TYW1B: variants seen among roughly 807,000 people sequenced by gnomAD.
TYW1B encodes the protein S-adenosyl-L-methionine-dependent tRNA 4-demethylwyosine synthase TYW1B.
In TYW1B, 73 loss-of-function variants were observed where a neutral mutation model predicts 86.9. The ratio of observed to expected loss-of-function variants is 0.84; its 90% confidence interval spans 0.70 to 1.02. The LOEUF is 1.02. TYW1B is among the 50% of genes least tolerant of loss of function. TYW1B has a pLI of 0.00. For missense variants in TYW1B, 637 were observed against 827.4 expected (o/e 0.77, Z 2.82); for synonymous variants, 248 against 292.8 (o/e 0.85, Z 1.56).
chr7:72,759,707 A>C (rs1443881669), intron 7 of TYW1B, among the ~76,000 whole-genome samples: 3 of 152,196 alleles, frequency 2.0e-5, no homozygotes, highest in African/African-American at 7.2e-5. Context: ...CTCACTGCTT[A>C]TGGCATTCCA....
chr7:72,613,780 T>C (rs1386265109), intron 13 of TYW1B, among the ~76,000 whole-genome samples: 21 of 152,032 alleles, frequency 1.4e-4, no homozygotes, highest in African/African-American at 5.1e-4. Context: ...GGGGAAATGC[T>C]ATAAAGGACA....
chr7:72,614,632 TAAA>T (rs34879859), intron 13 of TYW1B, among the ~76,000 whole-genome samples: 4 of 132,996 alleles, frequency 3.0e-5, no homozygotes, highest in African/African-American at 5.6e-5. Flanking sequence ...GACTCCATCT[TAAA>T]AAAAAAAAAA....
At chr7:72,667,531 C>T (rs1324781035) in intron 11 of TYW1B, among the ~76,000 whole-genome samples, 3 of 152,006 alleles carry the variant, frequency 2.0e-5, no homozygotes, top group East Asian at 1.9e-4. Flanking sequence ...CTGGGCAACA[C>T]GGCAAAACCC....
At chr7:72,594,305 C>A (rs1811475371) in intron 13 of TYW1B, among the ~76,000 whole-genome samples, 1 of 149,916 alleles carries the variant, frequency 6.7e-6, no homozygotes, top group African/African-American at 2.5e-5. Flanking sequence ...ACTTGAATTA[C>A]CAAAATCAGA....
At chr7:72,776,556 C>CAAAAAAAAAAA (rs67553013) in intron 7 of TYW1B, among the ~76,000 whole-genome samples, 1 of 45,240 alleles carries the variant, frequency 2.2e-5, no homozygotes, top group African/African-American at 9.4e-5. Context: ...GACTCTGTCT[C>CAAAAAAAAAAA]AAAAAAAAAA....
intron 7 of TYW1B, among the ~76,000 whole-genome samples, chr7:72,772,230 G>A (rs1298165025): frequency 4.6e-5 from 7 of 151,804 alleles, no homozygotes; most frequent in African/African-American, 7.3e-5. Context: ...GTAAAAACTC[G>A]GTAAAGCTCT....
At chr7:72,681,773 G>C (rs1430144304) in intron 11 of TYW1B, among the ~76,000 whole-genome samples, 2 of 151,264 alleles carry the variant, frequency 1.3e-5, no homozygotes, top group Non-Finnish European at 2.9e-5. Flanking sequence ...TTTTAGTAGA[G>C]ACGGGGTTTC....
chr7:72,659,502 C>T (rs1563049424), intron 11 of TYW1B, among the ~76,000 whole-genome samples: 2 of 152,054 alleles, frequency 1.3e-5, no homozygotes, highest in African/African-American at 2.4e-5. Flanking sequence ...CACTTGAACC[C>T]GGGAGGCTGA....
chr7:72,685,558 GAGA>G (rs1813990291), intron 11 of TYW1B, among the ~76,000 whole-genome samples: 1 of 152,104 alleles, frequency 6.6e-6, no homozygotes, highest in African/African-American at 2.4e-5. Context: ...ATACAATGGG[GAGA>G]AGATAATTTT....
At chr7:72,709,118 T>C (rs1814682074) in intron 10 of TYW1B, among the ~76,000 whole-genome samples, 2 of 152,202 alleles carry the variant, frequency 1.3e-5, no homozygotes, top group African/African-American at 2.4e-5. Flanking sequence ...AGACTTCCAT[T>C]ATCAGAAATT....
At position 72,674,264 on chromosome 7, in the gene TYW1B, G is replaced by C. The variant is rs184013293; in HGVS notation, c.1506+20423C>G. Among the ~76,000 whole-genome samples, 640 of 152,228 alleles carry C rather than the reference G, an allele frequency of 4.2e-3. 5 individuals carry two copies. Among genetic ancestry groups the C allele is most frequent in the African/African-American group, 0.015 (607 of 41,550 alleles). On this transcript the variant is annotated intron_variant, in intron 11 of 13. Transcript: ENST00000620995. ...ACCTCCCAGGTTTCTTAGTCCAAAA[G>C]TCTTTTTCGGTACCCTAGGATCAAG...
chr7:72,649,488 A>G (rs1813009778), intron 11 of TYW1B, among the ~76,000 whole-genome samples: 1 of 152,208 alleles, frequency 6.6e-6, no homozygotes. Flanking sequence ...TCAGACTCCC[A>G]TGACTTCAAG....
At position 72,683,691 on chromosome 7, in the gene TYW1B, A is replaced by G. The variant is rs139322933; in HGVS notation, c.1506+10996T>C. On this transcript the variant is annotated intron_variant, in intron 11 of 13. Coordinates refer to ENST00000620995, the MANE Select transcript of TYW1B (RefSeq NM_001145440.3). ...CTAGTGAGAGCAGTTCCTTTTACCC[A>G]GGATATCACATTCAGTAACAAGAAG... Among the ~76,000 whole-genome samples the G allele has an allele frequency of 6.0e-3, 915 of 152,296 alleles. 12 individuals are homozygous for G. The highest frequency in any genetic ancestry group is 0.021 in the African/African-American group (868 of 41,566).
intron 11 of TYW1B, among the ~76,000 whole-genome samples, chr7:72,651,351 A>T (rs1174101268): frequency 1.3e-5 from 2 of 152,170 alleles, no homozygotes; most frequent in African/African-American, 4.8e-5. Flanking sequence ...GGCACAGTGG[A>T]TCACGCCTGT....
chr7:72,622,826 CACAA>C (rs1451257035), intron 12 of TYW1B, among the ~76,000 whole-genome samples: 11 of 143,572 alleles, frequency 7.7e-5, no homozygotes, highest in African/African-American at 2.0e-4. Context: ...ACACACACTA[CACAA>C]ACACACCACA....
intron 13 of TYW1B, among the ~76,000 whole-genome samples, chr7:72,599,833 G>GAT (rs531088087): frequency 9.9e-5 from 15 of 151,732 alleles, no homozygotes; most frequent in African/African-American, 2.7e-4. Context: ...ACAGATACAC[G>GAT]ATATATATAT....
chr7:72,609,074 A>C (rs533463249), intron 13 of TYW1B, among the ~76,000 whole-genome samples: 2 of 152,174 alleles, frequency 1.3e-5, no homozygotes, highest in African/African-American at 2.4e-5. Flanking sequence ...CACTGGGGGA[A>C]ACTACATGAA....
chr7:72,667,486 G>A (rs138791166), intron 11 of TYW1B, among the ~76,000 whole-genome samples: 1,879 of 152,244 alleles, frequency 0.012, 29 homozygotes, highest in African/African-American at 0.043. Flanking sequence ...AGGCCAACCC[G>A]GGCAGATAGC....
chr7:72,799,734 G>A (rs192089881), intron 6 of TYW1B, among the ~76,000 whole-genome samples: 1 of 152,124 alleles, frequency 6.6e-6, no homozygotes, highest in East Asian at 1.9e-4. Flanking sequence ...CAAAGTGCTG[G>A]GATTACAGGC....
Sources: gnomAD v4.1 joint callset for allele counts (sites outside exome capture counted in the v4.1 genomes callset) on GRCh38, gnomAD v4.1.1 for gene constraint, MANE v1.5 for transcripts, NCBI Gene and HGNC (gene_info 2026-07-23, HGNC 2026-07-21) for gene names.